Variants in EYA4 observed in about 807,000 individuals in gnomAD.
The protein encoded by EYA4 is EYA transcriptional coactivator and phosphatase 4.
A neutral mutation model predicts 87.9 loss-of-function variants in EYA4; 31 were observed. That is an observed-to-expected ratio of 0.35 (90% confidence interval 0.27 to 0.48). EYA4 has a LOEUF of 0.48. Ranked by LOEUF, EYA4 falls within the 20% of genes least tolerant of loss-of-function variation. The pLI, the probability that EYA4 is intolerant of heterozygous loss-of-function variation, is 0.99. For synonymous variants in EYA4, 263 were observed against 270.6 expected, an observed-to-expected ratio of 0.97 and a Z score of 0.28; for missense variants, 678 against 761.4, an observed-to-expected ratio of 0.89 and a Z score of 1.29.
intron 2 of EYA4, among the ~76,000 whole-genome samples, chr6:133,338,704 G>T (rs1782559566): frequency 6.6e-6 from 1 of 152,148 alleles, no homozygotes; most frequent in South Asian, 2.1e-4. Context: ...AAACATCATG[G>T]CAGCCCCAGT....
At chr6:133,418,781 A>G (rs1261670987) in intron 3 of EYA4, among the ~76,000 whole-genome samples, 1 of 152,238 alleles carries the variant, frequency 6.6e-6, no homozygotes, top group East Asian at 1.9e-4. Context: ...TGAGGGATCT[A>G]GAGATAAACA....
At chr6:133,474,680 GT>G (rs1562463250) in intron 11 of EYA4, among the ~76,000 whole-genome samples, 1 of 152,110 alleles carries the variant, frequency 6.6e-6, no homozygotes, top group Non-Finnish European at 1.5e-5. Flanking sequence ...AGTCAATGCA[GT>G]TTTAGGTTTA....
chr6:133,271,489 C>A (rs1156572860), intron 1 of EYA4, among the ~76,000 whole-genome samples: 2 of 152,210 alleles, frequency 1.3e-5, no homozygotes, highest in Non-Finnish European at 2.9e-5. Context: ...GCAGAATAGG[C>A]AGACCCATAT....
intron 2 of EYA4, among the ~76,000 whole-genome samples, chr6:133,343,177 A>C (rs1782928917): frequency 6.6e-6 from 1 of 152,234 alleles, no homozygotes; most frequent in African/African-American, 2.4e-5. Context: ...ATGACCTGAG[A>C]TCAACCTAAC....
At chr6:133,360,233 T>A (rs1398719052) in intron 2 of EYA4, 1 of 152,236 alleles carries the variant, frequency 6.6e-6, no homozygotes, top group Non-Finnish European at 1.5e-5. Flanking sequence ...TATTATGTCT[T>A]GTGAACATAC....
At position 133,360,150 on chromosome 6, in the gene EYA4, G is replaced by T. The variant is rs367958834; in HGVS notation, c.34-22242G>T. 8 of 152,310 alleles carry T rather than the reference G, an allele frequency of 5.3e-5. 1 individual carries two copies. The highest frequency in any genetic ancestry group is 3.9e-4 in the East Asian group (2 of 5,186). 9.4% of individuals were successfully genotyped at this position (152,310 alleles called of 1,614,324 possible). On this transcript the variant is annotated intron_variant, in intron 2 of 19. Coordinates refer to ENST00000355286, the MANE Select transcript of EYA4 (RefSeq NM_004100.5). The stretch of plus-strand genomic sequence containing the variant: ...TGGAATAAAAATATGAGAAAAGAGA[G>T]AAAATGGTTTCTTCTACATTAAGGT...
chr6:133,246,854 T>C (rs1430956808), intron 1 of EYA4: 1 of 152,128 alleles, frequency 6.6e-6, no homozygotes, highest in Non-Finnish European at 1.5e-5. Flanking sequence ...TTGTTATTCC[T>C]ATTTTACAGA....
intron 3 of EYA4, among the ~76,000 whole-genome samples, chr6:133,393,958 A>C (rs1261430399): frequency 6.6e-6 from 1 of 152,218 alleles, no homozygotes; most frequent in Non-Finnish European, 1.5e-5. Flanking sequence ...TAGAGATTCC[A>C]AAATTTTGAT....
intron 2 of EYA4, among the ~76,000 whole-genome samples, chr6:133,331,550 G>A (rs556211271): frequency 9.9e-5 from 15 of 152,208 alleles, no homozygotes; most frequent in Non-Finnish European, 1.0e-4. Flanking sequence ...GTTGACATGG[G>A]CACAAGGCAT....
chr6:133,413,123 T>C (rs117426224), intron 3 of EYA4, among the ~76,000 whole-genome samples: 1,814 of 152,356 alleles, frequency 0.012, 16 homozygotes, highest in South Asian at 0.022. Flanking sequence ...GCTAGAAAAC[T>C]CTACCAATTT....
intron 2 of EYA4, among the ~76,000 whole-genome samples, chr6:133,297,431 C>T (rs1173751290): frequency 6.6e-6 from 1 of 152,206 alleles, no homozygotes; most frequent in Non-Finnish European, 1.5e-5. Flanking sequence ...CCCTCTGAGC[C>T]AAGGTCAAAA....
rs75146218 is a variant in EYA4, at chr6:133,358,208, G to A, written c.34-24184G>A. Among the ~76,000 whole-genome samples, 45 of 152,282 alleles carry A rather than the reference G, an allele frequency of 3.0e-4. No individual in the cohort carries two copies. The East Asian group carries it at 8.7e-3, about 29-fold the overall frequency. ...GTTTTTTTAGTGAGCCCTCTGGACA[G>A]AGCTTTGTCTTTAAGGTAGGGGTAA... is the stretch of plus-strand genomic sequence containing the variant. On this transcript the variant is annotated intron_variant, in intron 2 of 19. Coordinates refer to ENST00000355286, the MANE Select transcript of EYA4 (RefSeq NM_004100.5).
chr6:133,341,377 C>G (rs773608005), intron 2 of EYA4, among the ~76,000 whole-genome samples: 1 of 152,162 alleles, frequency 6.6e-6, no homozygotes. Flanking sequence ...TTAGTGGATA[C>G]CTACCATGTT....
chr6:133,450,189 G>C (rs901833233), intron 5 of EYA4, among the ~76,000 whole-genome samples: 1 of 151,984 alleles, frequency 6.6e-6, no homozygotes, highest in Admixed American at 6.6e-5. Flanking sequence ...GTTTCACCGT[G>C]TTAGCCAGGG....
At chr6:133,294,020 ATT>A (rs1491174832) in intron 2 of EYA4, among the ~76,000 whole-genome samples, 2 of 37,258 alleles carry the variant, frequency 5.4e-5, no homozygotes, top group African/African-American at 2.4e-4. Context: ...CCCTAGGGTG[ATT>A]TTATATATAT....
chr6:133,329,898 A>G (rs1014519881), intron 2 of EYA4, among the ~76,000 whole-genome samples: 4 of 152,206 alleles, frequency 2.6e-5, no homozygotes, highest in Non-Finnish European at 5.9e-5. Context: ...TTTGGGATCA[A>G]TTCTAAAGGA....
At chr6:133,431,269 A>AGACAT (rs1487028313) in intron 3 of EYA4, among the ~76,000 whole-genome samples, 2 of 152,350 alleles carry the variant, frequency 1.3e-5, no homozygotes, top group South Asian at 4.1e-4. Flanking sequence ...AGAAGGCATT[A>AGACAT]GAGGGTTTAG....
intron 3 of EYA4, among the ~76,000 whole-genome samples, chr6:133,427,559 G>A (rs1790780115): frequency 6.6e-6 from 1 of 152,106 alleles, no homozygotes; most frequent in Non-Finnish European, 1.5e-5. Context: ...TAAATTCCAT[G>A]ATTGTTAAAA....
chr6:133,359,179 C>T (rs935672171), intron 2 of EYA4, among the ~76,000 whole-genome samples: 2 of 152,098 alleles, frequency 1.3e-5, no homozygotes, highest in African/African-American at 4.8e-5. Flanking sequence ...ATGCAGAAGA[C>T]TTTTTTTGTT....
Sources: allele counts gnomAD v4.1 joint callset (sites outside exome capture counted in the v4.1 genomes callset), GRCh38; gene constraint gnomAD v4.1.1; transcripts MANE v1.5; gene names NCBI Gene and HGNC (gene_info 2026-07-23, HGNC 2026-07-21).